Variants in NBEAL1 observed in about 807,000 individuals in gnomAD.
NBEAL1 encodes the protein neurobeachin like 1, also known as neurobeachin-like protein 1.
Under a neutral mutation model 351.3 loss-of-function variants are expected in NBEAL1, and 273 were observed. The ratio of observed to expected loss-of-function variants is 0.78; its 90% confidence interval spans 0.70 to 0.86. The LOEUF (loss-of-function observed/expected upper bound fraction) is 0.86. Among genes scored for constraint, NBEAL1 ranks in the 40% least tolerant of loss-of-function variants. NBEAL1 has a pLI of 0.00. For synonymous variants in NBEAL1, 1,050 were observed against 1,086.4 expected (o/e 0.97, Z 0.66); for missense variants, 2,961 against 3,201.3 (o/e 0.92, Z 1.81).
At chr2:203,079,680 T>A (rs1375969948) in intron 8 of NBEAL1, among the ~76,000 whole-genome samples, 2 of 152,154 alleles carry the variant, frequency 1.3e-5, no homozygotes, top group African/African-American at 4.8e-5. Context: ...AATTATAATT[T>A]AAAAAACTTA....
At position 203,201,668 on chromosome 2, in the gene NBEAL1, T is replaced by A; in HGVS notation, c.7364T>A (p.Met2455Lys). The change falls in exon 50 of 56, where the codon ATG (methionine) becomes AAG (lysine). Residue 2455 changes from methionine (M) to lysine (K), a missense_variant. Coordinates refer to ENST00000683969, the MANE Select transcript of NBEAL1 (RefSeq NM_001378026.1). ...AGYWDNSIQVMSLTKGKIISH... is the reference protein window; with the variant it reads ...AGYWDNSIQVKSLTKGKIISH... ...TACTGGGATAATAGCATTCAAGTGATGTCACTTACAAAAGGCAAAATTATC... is the reference window on the plus strand; with the variant it reads ...TACTGGGATAATAGCATTCAAGTGAAGTCACTTACAAAAGGCAAAATTATC... The A allele has an allele frequency of 6.2e-7, 1 of 1,609,906 alleles. No individual in the cohort carries two copies. Among genetic ancestry groups the A allele is most frequent in the Non-Finnish European group, 8.5e-7 (1 of 1,177,636 alleles).
chr2:203,129,298 T>G (rs2063019508), intron 24 of NBEAL1, among the ~76,000 whole-genome samples: 1 of 152,228 alleles, frequency 6.6e-6, no homozygotes, highest in East Asian at 1.9e-4. Flanking sequence ...GAGCCATTTT[T>G]GTGCTCTTCT....
intron 41 of NBEAL1, 75 bp from the exon 42 acceptor site, chr2:203,175,072 A>G: frequency 1.6e-6 from 2 of 1,256,122 alleles, no homozygotes; most frequent in Non-Finnish European, 2.2e-6. Flanking sequence ...TATTTTCAGA[A>G]ATAAAATACA....
chr2:203,025,432 A>T (rs904387053), intron 2 of NBEAL1, among the ~76,000 whole-genome samples: 8 of 152,204 alleles, frequency 5.3e-5, no homozygotes, highest in Non-Finnish European at 1.0e-4. Flanking sequence ...TTGAACAATT[A>T]TTATATCTGA....
chr2:203,185,665 A>G (rs2064876285), intron 44 of NBEAL1, among the ~76,000 whole-genome samples: 1 of 152,108 alleles, frequency 6.6e-6, no homozygotes, highest in Non-Finnish European at 1.5e-5. Flanking sequence ...CTGGGATTGG[A>G]GTCATCTGAA....
At position 203,108,156 on chromosome 2, in the gene NBEAL1, T is replaced by G. The variant is rs370821097; in HGVS notation, c.1917T>G (p.Ala639=). The change falls in exon 14 of 56, where the codon GCT becomes GCG. Residue 639 remains alanine (A), a synonymous_variant. Coordinates refer to ENST00000683969, the MANE Select transcript of NBEAL1 (RefSeq NM_001378026.1). ...AGGATCAGTTGACTCTTGGCATTGCTAACAAAGGAGGGAAAAGGAAACAAT... is the reference window on the plus strand; with the variant it reads ...AGGATCAGTTGACTCTTGGCATTGCGAACAAAGGAGGGAAAAGGAAACAAT... ...LDQDQLTLGI[A]NKGGKRKQLY... 1.3e-6 allele frequency: 2 copies of G among 1,550,682 alleles called. No homozygotes were observed. The highest frequency in any genetic ancestry group is 1.7e-6 in the Non-Finnish European group (2 of 1,146,300).
chr2:203,065,523 C>T (rs530821582), intron 6 of NBEAL1, among the ~76,000 whole-genome samples: 10 of 152,172 alleles, frequency 6.6e-5, no homozygotes, highest in East Asian at 1.9e-4. Flanking sequence ...GAGGCCGAGG[C>T]GGGTGGATCA....
At chr2:203,192,839 T>C (rs1370589735) in intron 46 of NBEAL1, among the ~76,000 whole-genome samples, 1 of 152,176 alleles carries the variant, frequency 6.6e-6, no homozygotes, top group Non-Finnish European at 1.5e-5. Context: ...ATTTATTTCA[T>C]ATTTATAGAT....
intron 17 of NBEAL1, among the ~76,000 whole-genome samples, chr2:203,114,208 G>A (rs1429158467): frequency 1.3e-5 from 2 of 152,030 alleles, no homozygotes; most frequent in Non-Finnish European, 2.9e-5. Context: ...CACTTTAAAG[G>A]CCCTATTCCA....
At position 203,199,346 on chromosome 2, in the gene NBEAL1, A is replaced by G; in HGVS notation, c.7137A>G (p.Ile2379Met). The change falls in exon 49 of 56, where the codon ATA becomes ATG. Residue 2379 changes from isoleucine (I) to methionine (M), a missense_variant. Ile to Met is a conservative substitution (Grantham distance 10). Coordinates refer to ENST00000683969, the MANE Select transcript of NBEAL1 (RefSeq NM_001378026.1). ...CATATGTTCTTTTCCAGATAACAAT[A>G]AGCATGAATTATGTTATTGGAACCC... is the stretch of plus-strand genomic sequence containing the variant. Reference protein sequence around the residue: ...SQGSPELLITISMNYVIGTHG... With the variant: ...SQGSPELLITMSMNYVIGTHG... 1.3e-6 allele frequency: 2 copies of G among 1,569,186 alleles called. No individual in the cohort carries two copies. Among genetic ancestry groups the G allele is most frequent in the Non-Finnish European group, 1.8e-6 (2 of 1,142,836 alleles).
chr2:203,077,712 A>G, intron 7 of NBEAL1, 40 bp from the exon 8 acceptor site: 1 of 1,151,056 alleles, frequency 8.7e-7, no homozygotes, highest in South Asian at 2.1e-5. Context: ...ACTGTGAAAG[A>G]CAAATCTTAT....
chr2:203,193,850 T>C lies in NBEAL1; in HGVS notation c.6977T>C (p.Ile2326Thr). 2 of 1,612,850 alleles carry C rather than the reference T, an allele frequency of 1.2e-6. No homozygotes were observed. Among genetic ancestry groups the C allele is most frequent in the Non-Finnish European group, 1.7e-6 (2 of 1,179,350 alleles). The change falls in exon 47 of 56, where the codon ATA (isoleucine) becomes ACA (threonine). Residue 2326 changes from isoleucine (I) to threonine (T), a missense_variant. By Grantham distance (89) the Ile-to-Thr change is moderately conservative. Coordinates refer to ENST00000683969, the MANE Select transcript of NBEAL1 (RefSeq NM_001378026.1). ...AEEAVQKPTKIDTSTLNLFQH... is the reference protein window; with the variant it reads ...AEEAVQKPTKTDTSTLNLFQH... Reference sequence around the variant, plus strand: ...GAAGCAGTGCAGAAGCCAACCAAAATAGACACTTCAACCCTAAACCTGTTT... The same window carrying C: ...GAAGCAGTGCAGAAGCCAACCAAAACAGACACTTCAACCCTAAACCTGTTT...
intron 7 of NBEAL1, among the ~76,000 whole-genome samples, chr2:203,074,278 C>A (rs1219501869): frequency 6.7e-6 from 1 of 149,046 alleles, no homozygotes; most frequent in African/African-American, 2.5e-5. Context: ...GTTTAATCTG[C>A]AAATGTTGGG....
At chr2:203,129,119 C>T (rs890800341) in intron 24 of NBEAL1, among the ~76,000 whole-genome samples, 1 of 152,120 alleles carries the variant, frequency 6.6e-6, no homozygotes, top group African/African-American at 2.4e-5. Context: ...AGATTATTCT[C>T]GTGCACGTGG....
chr2:203,217,872 A>C lies in NBEAL1; in HGVS notation c.*518A>C. ...GTTACAAGTTTGCATGGTAAGAATA[A>C]AATAAGAATATTGAAACTGGTACAT... On this transcript the variant is annotated 3_prime_UTR_variant, in exon 56 of 56. Coordinates refer to ENST00000683969, the MANE Select transcript of NBEAL1 (RefSeq NM_001378026.1). The C allele has an allele frequency of 1.0e-6, 1 of 985,092 alleles. No homozygotes were observed. Among genetic ancestry groups the C allele is most frequent in the Non-Finnish European group, 1.2e-6 (1 of 829,596 alleles). 61.0% of individuals were successfully genotyped at this position (985,092 alleles called of 1,614,324 possible). A position where few individuals can be genotyped will look rare whatever the true frequency, so the allele number is the denominator to read the frequency against.
intron 27 of NBEAL1, among the ~76,000 whole-genome samples, chr2:203,135,315 T>G (rs1202145590): frequency 6.6e-6 from 1 of 152,170 alleles, no homozygotes; most frequent in Non-Finnish European, 1.5e-5. Flanking sequence ...ACATAGTAGG[T>G]GTGCAATAAT....
chr2:203,062,237 C>T lies in NBEAL1; in HGVS notation c.515+4784C>T, dbSNP rs2061510530. The T allele has an allele frequency of 2.2e-6, 1 of 457,488 alleles. No individual in the cohort carries two copies. The highest frequency in any genetic ancestry group is 2.0e-5 in the African/African-American group (1 of 50,238). 28.3% of individuals were successfully genotyped at this position (457,488 alleles called of 1,614,324 possible). ...CTTACATTTCTCCCATATTTTCTGA[C>T]TTGATCGTCAACATTCTGGTCTTCC... On this transcript the variant is annotated intron_variant, in intron 6 of 55. Transcript: ENST00000683969. The surrounding 1 kb of genome is among the most constrained non-coding windows in gnomAD (Gnocchi z 4.2).
At chr2:203,063,448 A>AGGAG (rs556653752) in intron 6 of NBEAL1, among the ~76,000 whole-genome samples, 26 of 114,394 alleles carry the variant, frequency 2.3e-4, no homozygotes, top group South Asian at 1.3e-3. Flanking sequence ...TGAAAGAAAG[A>AGGAG]GGAGGGAGGG....
chr2:203,217,642 T>A lies in NBEAL1; in HGVS notation c.*288T>A. 1 of 983,276 alleles carries A rather than the reference T, an allele frequency of 1.0e-6. No homozygotes were observed. Among genetic ancestry groups the A allele is most frequent in the Non-Finnish European group, 1.2e-6 (1 of 816,454 alleles). The allele number at this position is 983,276 out of a possible 1,614,324, so 60.9% of individuals were successfully genotyped here. ...GGTTCAATTTTCTTATTATTCCAAA[T>A]GATAAAATTTAAGATTTTTCTAATA... On this transcript the variant is annotated 3_prime_UTR_variant, in exon 56 of 56. Coordinates refer to ENST00000683969, the MANE Select transcript of NBEAL1 (RefSeq NM_001378026.1).
Sources: gnomAD v4.1 joint callset for allele counts (sites outside exome capture counted in the v4.1 genomes callset) on GRCh38, gnomAD v4.1.1 for gene constraint, Gnocchi (gnomAD v3.1) non-coding constraint, MANE v1.5 for transcripts, NCBI Gene and HGNC (gene_info 2026-07-23, HGNC 2026-07-21) for gene names.